The following REC114 variants were observed in gnomAD, a reference collection of about 807,000 sequenced individuals.
The protein encoded by REC114 is REC114 meiotic recombination protein.
A neutral mutation model predicts 31.3 loss-of-function variants in REC114; 27 were observed. The ratio of observed to expected loss-of-function variants is 0.86; its 90% CI spans 0.64 to 1.19. REC114 has a LOEUF of 1.19. Ranked by LOEUF, REC114 falls within the 50% of genes most tolerant of loss-of-function variation. REC114 has a pLI of 0.00. For missense variants in REC114, 344 were observed against 326.9 expected (o/e 1.05, Z -0.40); for synonymous variants, 134 against 127.7 (o/e 1.05, Z -0.33).
intron 2 of REC114, among the ~76,000 whole-genome samples, chr15:73,488,208 G>A (rs892671307): frequency 6.6e-6 from 1 of 152,108 alleles, no homozygotes; most frequent in African/African-American, 2.4e-5. Context: ...ACCTATGATG[G>A]GTGTGGTAGC....
chr15:73,540,796 G>A (rs573264415), intron 3 of REC114, among the ~76,000 whole-genome samples: 247 of 152,284 alleles, frequency 1.6e-3, no homozygotes, highest in Middle Eastern at 6.8e-3. Flanking sequence ...CTCAGTATGC[G>A]TCTGATGGAG....
chr15:73,487,391 G>A (rs1893385646), intron 2 of REC114, among the ~76,000 whole-genome samples: 1 of 152,222 alleles, frequency 6.6e-6, no homozygotes, highest in African/African-American at 2.4e-5. Context: ...CTGTGAGCCT[G>A]TGATATCAAA....
chr15:73,524,387 C>G (rs893518489), intron 2 of REC114, among the ~76,000 whole-genome samples: 4 of 152,148 alleles, frequency 2.6e-5, no homozygotes, highest in Non-Finnish European at 5.9e-5. Context: ...CAATCCACAT[C>G]AGTTTGCAAG....
At chr15:73,445,961 T>C (rs145326696) in intron 1 of REC114, among the ~76,000 whole-genome samples, 5 of 152,346 alleles carry the variant, frequency 3.3e-5, no homozygotes, top group African/African-American at 9.6e-5. Flanking sequence ...ACTTGATTGA[T>C]GTGGGGTTGC....
intron 1 of REC114, among the ~76,000 whole-genome samples, chr15:73,453,512 C>T (rs1002883722): frequency 3.3e-5 from 5 of 152,148 alleles, no homozygotes; most frequent in African/African-American, 7.2e-5. Context: ...CGCTTTTATA[C>T]TGTTTGTAAG....
intron 5 of REC114, among the ~76,000 whole-genome samples, chr15:73,556,779 T>C (rs1894474762): frequency 6.6e-6 from 1 of 152,084 alleles, no homozygotes; most frequent in Non-Finnish European, 1.5e-5. Flanking sequence ...TGAATGTGGA[T>C]TCAGATCTAC....
chr15:73,477,135 G>A (rs569412857), intron 2 of REC114, among the ~76,000 whole-genome samples: 44 of 152,100 alleles, frequency 2.9e-4, no homozygotes, highest in South Asian at 8.3e-4. Context: ...ATCTTTTCAC[G>A]TATTTGCCAT....
chr15:73,514,053 GCCTTGCAGTTTGATC>G (rs1214597076), intron 2 of REC114, among the ~76,000 whole-genome samples: 1 of 152,272 alleles, frequency 6.6e-6, no homozygotes, highest in East Asian at 1.9e-4. Context: ...CCTCGCTGCT[GCCTTGCAGTTTGATC>G]TCAGACTGCT....
chr15:73,496,847 G>T (rs901666123), intron 2 of REC114, among the ~76,000 whole-genome samples: 1 of 151,904 alleles, frequency 6.6e-6, no homozygotes, highest in Non-Finnish European at 1.5e-5. Flanking sequence ...GCTGGTTCAG[G>T]ATCTAACCTA....
At chr15:73,509,574 G>T (rs1173030161) in intron 2 of REC114, among the ~76,000 whole-genome samples, 1 of 147,994 alleles carries the variant, frequency 6.8e-6, no homozygotes, top group Non-Finnish European at 1.5e-5. Flanking sequence ...TATGGTTTTA[G>T]GTCTAACGTT....
chr15:73,537,644 G>C (rs1894175482), intron 2 of REC114, among the ~76,000 whole-genome samples: 1 of 152,218 alleles, frequency 6.6e-6, no homozygotes, highest in Non-Finnish European at 1.5e-5. Flanking sequence ...TATAAGCACA[G>C]TGTTGTCCAC....
At position 73,443,361 on chromosome 15, in the gene REC114, G is replaced by A. The variant is rs1212823755; in HGVS notation, c.159+17G>A. On this transcript the variant is annotated intron_variant, in intron 1 of 5. Transcript: ENST00000331090. ...ACATGGAAGGTGAGGCCCGAAGGCA[G>A]GAATATCCCTGAGGTGCCCACAGCC... 6.4e-7 allele frequency: 1 copy of A among 1,557,034 alleles called. No homozygotes were observed. The highest frequency in any genetic ancestry group is 8.7e-7 in the Non-Finnish European group (1 of 1,152,742).
intron 2 of REC114, among the ~76,000 whole-genome samples, chr15:73,514,356 T>C (rs1893827361): frequency 6.6e-6 from 1 of 151,662 alleles, no homozygotes; most frequent in African/African-American, 2.4e-5. Context: ...CACTCCCTAG[T>C]GAGATGAACC....
chr15:73,477,106 G>A (rs1893225091), intron 2 of REC114, among the ~76,000 whole-genome samples: 1 of 152,140 alleles, frequency 6.6e-6, no homozygotes, highest in African/African-American at 2.4e-5. Context: ...CATTTCTTTA[G>A]TGACTAATAC....
intron 3 of REC114, among the ~76,000 whole-genome samples, chr15:73,547,584 C>G (rs1894327688): frequency 6.6e-6 from 1 of 152,192 alleles, no homozygotes; most frequent in African/African-American, 2.4e-5. Context: ...ATCAGGATAT[C>G]TGCACCCCCA....
intron 2 of REC114, among the ~76,000 whole-genome samples, chr15:73,498,775 A>G (rs7163693): frequency 0.17 from 26,517 of 152,150 alleles, 3,795 homozygotes; most frequent in African/African-American, 0.4. Flanking sequence ...CACCTTCTGT[A>G]TTCTCTAATA....
At chr15:73,550,463 C>T (rs755154393) in intron 3 of REC114, among the ~76,000 whole-genome samples, 4 of 152,150 alleles carry the variant, frequency 2.6e-5, no homozygotes, top group Non-Finnish European at 5.9e-5. Flanking sequence ...GAGCATCTGC[C>T]TGTCACTCTT....
intron 1 of REC114, among the ~76,000 whole-genome samples, chr15:73,443,962 G>A (rs2151248637): frequency 6.6e-6 from 1 of 152,234 alleles, no homozygotes; most frequent in South Asian, 2.1e-4. Context: ...GACCTTTTTG[G>A]CTTCTCAGTG....
At chr15:73,524,593 CTTTTTA>C (rs1042769099) in intron 2 of REC114, among the ~76,000 whole-genome samples, 4 of 152,110 alleles carry the variant, frequency 2.6e-5, no homozygotes, top group African/African-American at 9.6e-5. Context: ...ACGGAGGTTT[CTTTTTA>C]TTTTTCTTTT....
Sources: allele counts gnomAD v4.1 joint callset (sites outside exome capture counted in the v4.1 genomes callset), GRCh38; gene constraint gnomAD v4.1.1; transcripts MANE v1.5; gene names NCBI Gene and HGNC (gene_info 2026-07-23, HGNC 2026-07-21).